PTPRB: variants seen among roughly 807,000 people sequenced by gnomAD.
PTPRB encodes the protein receptor-type tyrosine-protein phosphatase beta.
PTPRB carries 97 observed loss-of-function variants against 238.1 expected under a neutral mutation model. That is an observed-to-expected ratio of 0.41 (90% CI 0.35 to 0.48). The LOEUF is 0.48. PTPRB is among the 20% of genes least tolerant of loss of function. PTPRB has a pLI of 0.30. For synonymous variants in PTPRB, 970 were observed against 995.4 expected (o/e 0.97, Z 0.48); for missense variants, 2,292 against 2,681.9 (o/e 0.85, Z 3.21).
At chr12:70,628,744 T>C (rs1437275722) in intron 2 of PTPRB, among the ~76,000 whole-genome samples, 1 of 152,094 alleles carries the variant, frequency 6.6e-6, no homozygotes, top group African/African-American at 2.4e-5. Context: ...CTTTTTTTTC[T>C]TTTACAGATA....
rs549247513 is a variant in PTPRB, at chr12:70,555,082, G to A, written c.5143+78C>T. 8.3e-4 allele frequency: 1,239 copies of A among 1,486,258 alleles called. 19 individuals are homozygous for A. In the South Asian group the frequency reaches 0.013, roughly 16 times the overall value. The allele number at this position is 1,486,258 out of a possible 1,614,324, so 92.1% of individuals were successfully genotyped here. ...TTTCTACTTAAGTTTCTTAAACTTT[G>A]TCACAGAAAGATCTCCCACATGACC... On this transcript the variant is annotated intron_variant, in intron 20 of 33. Coordinates refer to ENST00000334414, the MANE Select transcript of PTPRB (RefSeq NM_001109754.4).
At position 70,560,704 on chromosome 12, in the gene PTPRB, GATCTCC is replaced by G; in HGVS notation, c.4393_4398del (p.Gly1465_Asp1466del). The G allele has an allele frequency of 6.2e-7, 1 of 1,613,956 alleles. No individual in the cohort carries two copies. The highest frequency in any genetic ancestry group is 8.5e-7 in the Non-Finnish European group (1 of 1,179,892). The stretch of plus-strand genomic sequence containing the variant: ...CTCTCCGCTGTGACTTTATTGCTGA[GATCTCC>G]ACTGTGAGTTACCACCCACAGCACG... On this transcript the variant is annotated inframe_deletion, in exon 17 of 34. Transcript: ENST00000334414. The surrounding 1 kb of genome is among the most constrained non-coding windows in gnomAD (Gnocchi z 4.2).
At chr12:70,584,760 A>G (rs1881717882) in intron 9 of PTPRB, among the ~76,000 whole-genome samples, 1 of 152,118 alleles carries the variant, frequency 6.6e-6, no homozygotes, top group Non-Finnish European at 1.5e-5. Context: ...AATTTGAATA[A>G]CGTTCTCCAG....
At chr12:70,561,047 T>G in intron 16 of PTPRB, 113 bp from the exon 17 acceptor site, 1 of 1,086,612 alleles carries the variant, frequency 9.2e-7, no homozygotes, top group Non-Finnish European at 1.4e-6. Context: ...CATATTGTAG[T>G]CAGATCTTGC....
chr12:70,524,463 G>C lies in PTPRB; in HGVS notation c.6625+8C>G, dbSNP rs375582422. On this transcript the variant is annotated splice_region_variant and intron_variant, in intron 33 of 33. Coordinates refer to ENST00000334414, the MANE Select transcript of PTPRB (RefSeq NM_001109754.4). ...AAACTTGGGGAAGTAAGTGAAGTAA[G>C]TGCCCACCTCTGTGATACTCTGGAT... The C allele has an allele frequency of 1.3e-6, 2 of 1,596,256 alleles. No homozygotes were observed.
chr12:70,527,637 A>T (rs1023151855), intron 32 of PTPRB: 1 of 152,202 alleles, frequency 6.6e-6, no homozygotes, highest in Non-Finnish European at 1.5e-5. Context: ...AGAAGAAGGG[A>T]CACTCACAAA....
intron 33 of PTPRB, 92 bp downstream of exon 33, chr12:70,524,379 T>G: frequency 7.4e-7 from 1 of 1,358,676 alleles, no homozygotes; most frequent in Admixed American, 2.6e-5. Context: ...CCTCCCAAAG[T>G]GCTGGGATTA....
intron 7 of PTPRB, among the ~76,000 whole-genome samples, chr12:70,590,945 T>G (rs947766937): frequency 1.4e-5 from 2 of 146,926 alleles, no homozygotes; most frequent in Admixed American, 6.8e-5. Flanking sequence ...TCCAAGTTTT[T>G]TTTTTTTTTT....
intron 10 of PTPRB, among the ~76,000 whole-genome samples, chr12:70,577,328 A>G (rs1880895201): frequency 6.6e-6 from 1 of 152,192 alleles, no homozygotes; most frequent in African/African-American, 2.4e-5. Context: ...GATGTCAACT[A>G]TAATCATTTG....
intron 21 of PTPRB, among the ~76,000 whole-genome samples, chr12:70,548,985 A>G (rs1412411846): frequency 3.9e-5 from 6 of 152,032 alleles, no homozygotes; most frequent in African/African-American, 1.4e-4. Context: ...CACAGAATTT[A>G]TTTTCCTTTA....
At chr12:70,619,991 C>A (rs986361728) in intron 3 of PTPRB, among the ~76,000 whole-genome samples, 12 of 152,236 alleles carry the variant, frequency 7.9e-5, no homozygotes, top group African/African-American at 2.9e-4. Flanking sequence ...CAAATAATAA[C>A]CTCTCAGGGA....
At chr12:70,581,647 T>G (rs1881408742) in intron 9 of PTPRB, among the ~76,000 whole-genome samples, 1 of 152,246 alleles carries the variant, frequency 6.6e-6, no homozygotes, top group African/African-American at 2.4e-5. Context: ...CCTTACCCCA[T>G]GAGAATTCAA....
At chr12:70,637,087 C>G (rs920202050) in intron 1 of PTPRB, among the ~76,000 whole-genome samples, 4 of 152,148 alleles carry the variant, frequency 2.6e-5, no homozygotes, top group African/African-American at 7.2e-5. Context: ...TCTTTACGCT[C>G]TGCTCTAAAT....
chr12:70,546,650 C>G (rs1323468120), intron 21 of PTPRB, among the ~76,000 whole-genome samples: 2 of 152,182 alleles, frequency 1.3e-5, no homozygotes, highest in Non-Finnish European at 2.9e-5. Context: ...GAATTAGGCT[C>G]TGTAGGCTGA....
chr12:70,590,718 C>G (rs1882407119), intron 7 of PTPRB, among the ~76,000 whole-genome samples: 1 of 149,274 alleles, frequency 6.7e-6, no homozygotes, highest in Non-Finnish European at 1.5e-5. Flanking sequence ...CCAGTCTTAA[C>G]TGAGACTACT....
intron 17 of PTPRB, 134 bp from the exon 18 acceptor site, chr12:70,559,758 G>T: frequency 1.2e-6 from 1 of 852,802 alleles, no homozygotes; most frequent in Non-Finnish European, 1.8e-6. Context: ...TAATATAGTA[G>T]CAGGAGCTTT....
At position 70,538,944 on chromosome 12, in the gene PTPRB, C is replaced by T; in HGVS notation, c.5849G>A (p.Arg1950Gln). The T allele has an allele frequency of 6.2e-7, 1 of 1,613,286 alleles. No homozygotes were observed. The highest frequency in any genetic ancestry group is 8.5e-7 in the Non-Finnish European group (1 of 1,179,580). ...ALLPENRGKNRYNNILPYDAT... is the reference protein window; with the variant it reads ...ALLPENRGKNQYNNILPYDAT... ...CTTACAGGGCAATATATTGTTGTAT[C>T]GATTTTTCCCTCTATTCTCCGGCAA... is the stretch of plus-strand genomic sequence containing the variant. Residue 1950 changes from arginine to glutamine, a missense_variant, in exon 27 of 34, where the codon CGA (arginine) becomes CAA (glutamine). Physicochemically the swap from Arg to Gln is conservative, Grantham distance 43 (BLOSUM62 1). Around this residue, in one of 4 missense-constraint regions of PTPRB, gnomAD observed 397 missense variants for 502.0 expected, o/e 0.79. Transcript: ENST00000334414.
intron 6 of PTPRB, among the ~76,000 whole-genome samples, chr12:70,594,026 T>C (rs569689572): frequency 6.6e-6 from 1 of 152,336 alleles, no homozygotes; most frequent in Non-Finnish European, 1.5e-5. Context: ...TGGGAGTAGG[T>C]CCTGTGGTAT....
intron 32 of PTPRB, among the ~76,000 whole-genome samples, chr12:70,524,925 G>A (rs555152891): frequency 2.6e-5 from 4 of 151,170 alleles, no homozygotes; most frequent in African/African-American, 9.7e-5. Context: ...ATGTATATAT[G>A]TGTGTATATG....
Sources: gnomAD v4.1 joint callset for allele counts (sites outside exome capture counted in the v4.1 genomes callset) on GRCh38, gnomAD v4.1.1 for gene constraint, gnomAD v4.1.1 regional missense constraint, Gnocchi (gnomAD v3.1) non-coding constraint, MANE v1.5 for transcripts, NCBI Gene and HGNC (gene_info 2026-07-23, HGNC 2026-07-21) for gene names.